The following PPFIA3 variants were observed in gnomAD, a reference collection of about 807,000 sequenced individuals.
PPFIA3 encodes liprin-alpha-3.
PPFIA3 carries 26 observed loss-of-function variants against 145.8 expected under a neutral mutation model. The observed-to-expected ratio is 0.18, with a 90% confidence interval of 0.13 to 0.25. The LOEUF is 0.25. Ranked by LOEUF, PPFIA3 falls within the 10% of genes least tolerant of loss-of-function variation. The pLI, the probability that PPFIA3 is intolerant of heterozygous loss-of-function variation, is 1.00. For synonymous variants in PPFIA3, 645 were observed against 661.4 expected (o/e 0.98, Z 0.38); for missense variants, 1,008 against 1,587.8 (o/e 0.63, Z 6.21).
chr19:49,127,790 G>T, intron 1 of PPFIA3, 69 bp from the exon 2 acceptor site: 1 of 1,546,710 alleles, frequency 6.5e-7, no homozygotes, highest in South Asian at 1.2e-5. Flanking sequence ...GTATCCGAGT[G>T]GCTGTGCCTC....
chr19:49,129,081 A>G, intron 4 of PPFIA3, 69 bp downstream of exon 4: 1 of 1,471,618 alleles, frequency 6.8e-7, no homozygotes, highest in Admixed American at 2.2e-5. Flanking sequence ...TCTGAGTGGG[A>G]GAGATTCTGG....
intron 15 of PPFIA3, 58 bp downstream of exon 15, chr19:49,136,969 T>A (rs993338701): frequency 1.4e-6 from 2 of 1,409,058 alleles, no homozygotes; most frequent in African/African-American, 2.9e-5. Context: ...TCCACAGCCC[T>A]TCTGGCTCTG....
chr19:49,140,780 C>G (rs1430350419), intron 18 of PPFIA3, among the ~76,000 whole-genome samples: 3 of 150,428 alleles, frequency 2.0e-5, no homozygotes, highest in Non-Finnish European at 4.4e-5. Context: ...TCAGCCTCCC[C>G]AGTAGCTGGG....
chr19:49,132,908 T>C, intron 7 of PPFIA3, 93 bp from the exon 8 acceptor site: 1 of 1,510,758 alleles, frequency 6.6e-7, no homozygotes. Context: ...CTGACTCCCA[T>C]GTCAGGGCAC....
intron 24 of PPFIA3, 57 bp from the exon 25 acceptor site, chr19:49,148,609 G>A: frequency 1.5e-6 from 2 of 1,362,194 alleles, no homozygotes; most frequent in Middle Eastern, 1.9e-4. Flanking sequence ...ACCCGTAGGA[G>A]CAGCAGTCTA....
chr19:49,142,099 TG>T lies in PPFIA3; in HGVS notation c.2530del (p.Val844CysfsTer79). 2 of 1,573,514 alleles carry T rather than the reference TG, an allele frequency of 1.3e-6. No individual in the cohort carries two copies. Among genetic ancestry groups the T allele is most frequent in the South Asian group, 1.2e-5 (1 of 85,548 alleles). ...LPFAAWDGPT[V>X]VSWLELWVGM... ...TTTGCTGCCTGGGACGGGCCCACCG[TG>T]GTGTCCTGGCTGGAGGTACTGGGGC... is the stretch of plus-strand genomic sequence containing the variant. On this transcript the variant is annotated frameshift_variant, in exon 20 of 30. Transcript: ENST00000334186. LOFTEE classifies it high-confidence loss of function.
intron 1 of PPFIA3, 111 bp from the exon 2 acceptor site, chr19:49,127,748 C>A: frequency 7.5e-7 from 1 of 1,325,222 alleles, no homozygotes; most frequent in Non-Finnish European, 1.0e-6. Flanking sequence ...CTGTGCAGTG[C>A]TTGGTTTGCC....
chr19:49,150,224 G>A lies in PPFIA3; in HGVS notation c.*14-12G>A, dbSNP rs554574246. 67 of 1,341,344 alleles carry A rather than the reference G, an allele frequency of 5.0e-5. No individual in the cohort carries two copies. In the African/African-American group the frequency reaches 9.1e-4, roughly 18 times the overall value. The allele number at this position is 1,341,344 out of a possible 1,614,324, so 83.1% of individuals were successfully genotyped here. A position where few individuals can be genotyped will look rare whatever the true frequency, so the allele number is the denominator to read the frequency against. Reference sequence around the variant, plus strand: ...ATCTTCACTGCTCCACGCGCTGCCCGGCGTCATGCAGGTGACCTCACTCGG... The same window carrying A: ...ATCTTCACTGCTCCACGCGCTGCCCAGCGTCATGCAGGTGACCTCACTCGG... On this transcript the variant is annotated splice_polypyrimidine_tract_variant and intron_variant, in intron 29 of 29. Coordinates refer to ENST00000334186, the MANE Select transcript of PPFIA3 (RefSeq NM_003660.4).
chr19:49,122,587 G>A (rs140682492), intron 1 of PPFIA3, among the ~76,000 whole-genome samples: 1 of 152,286 alleles, frequency 6.6e-6, no homozygotes, highest in Non-Finnish European at 1.5e-5. Flanking sequence ...TGTGTTCCAA[G>A]TATGTGCTCT....
chr19:49,148,604 T>A, intron 24 of PPFIA3, 62 bp from the exon 25 acceptor site: 1 of 1,326,704 alleles, frequency 7.5e-7, no homozygotes, highest in Non-Finnish European at 1.1e-6. Context: ...GAGGGACCCG[T>A]AGGAGCAGCA....
At chr19:49,146,047 T>C in intron 22 of PPFIA3, 42 bp downstream of exon 22, 1 of 1,609,990 alleles carries the variant, frequency 6.2e-7, no homozygotes, top group South Asian at 1.1e-5. Context: ...GGCACTAACC[T>C]TCTTTGGGGG....
In PPFIA3 at chr19:49,149,935, T is replaced by A. The variant is rs1238424314; in HGVS notation, c.3527-145T>A. 1.0e-5 allele frequency: 12 copies of A among 1,168,570 alleles called. No homozygotes were observed. The highest frequency in any genetic ancestry group is 3.1e-5 in the African/African-American group (2 of 65,360). 72.4% of individuals were successfully genotyped at this position (1,168,570 alleles called of 1,614,324 possible). A position where few individuals can be genotyped will look rare whatever the true frequency, so the allele number is the denominator to read the frequency against. On this transcript the variant is annotated intron_variant, in intron 28 of 29. Transcript: ENST00000334186. This position sits in a 1 kb window ranked among gnomAD's most constrained non-coding sequence, Gnocchi z 5.7. ...TGAACTCGCCCAATGCGAGTTTGAG[T>A]CCTTGGCTGCGGGGAAGGGAGGGAA...
At chr19:49,124,158 AT>A (rs1168658270) in intron 1 of PPFIA3, among the ~76,000 whole-genome samples, 6 of 152,190 alleles carry the variant, frequency 3.9e-5, no homozygotes, top group African/African-American at 1.4e-4. Context: ...TTTTTTAAAA[AT>A]GTAATTAAAT....
In PPFIA3 at chr19:49,133,982, C is replaced by T. The variant is rs2041106727; in HGVS notation, c.1246-52C>T. ...CGGGGGTGGGGCTTAGAGGAAGGGC[C>T]GTGGTCTGGGCAGGGTGGGCTTAAC... On this transcript the variant is annotated intron_variant, in intron 10 of 29. Transcript: ENST00000334186. The surrounding 1 kb of genome is among the most constrained non-coding windows in gnomAD (Gnocchi z 7.2). 1.9e-6 allele frequency: 3 copies of T among 1,604,354 alleles called. No individual in the cohort carries two copies. Among genetic ancestry groups the T allele is most frequent in the East Asian group, 2.2e-5 (1 of 44,780 alleles).
At chr19:49,123,041 A>T (rs2040956031) in intron 1 of PPFIA3, among the ~76,000 whole-genome samples, 1 of 106,926 alleles carries the variant, frequency 9.4e-6, no homozygotes, top group Non-Finnish European at 1.9e-5. Context: ...TTTTTATTTT[A>T]TTTTTGAGAC....
chr19:49,129,265 A>T, intron 4 of PPFIA3, 115 bp from the exon 5 acceptor site: 1 of 1,135,158 alleles, frequency 8.8e-7, no homozygotes, highest in East Asian at 2.6e-5. Context: ...CGTTATGGAG[A>T]CAGGAGCCCC....
At position 49,131,165 on chromosome 19, in the gene PPFIA3, CTTTTTTTTT is replaced by C. The variant is rs74182040; in HGVS notation, c.879+579_879+587del. 4.9e-5 allele frequency among the ~76,000 whole-genome samples: 5 copies of C among 102,086 alleles called. No homozygotes were observed. The East Asian group carries it at 1.7e-3, about 34-fold the overall frequency. The allele number at this position is 102,086 out of a possible 152,430, so 67.0% of individuals were successfully genotyped here. On this transcript the variant is annotated intron_variant, in intron 7 of 29. Transcript: ENST00000334186. ...AGTAGTGAGCCACCGCACCCAGCCT[CTTTTTTTTT>C]TTTTTTTTTTTTGAGATGGAGTCTA...
Position 49,128,010 on chromosome 19 carries a change from T to C in PPFIA3, c.137T>C (p.Leu46Pro). ...GAGCGCGAGCGCCTGCTGGAGACGCTGCGCGAGGCACAGGACGGGTTGGCT... is the reference window on the plus strand; with the variant it reads ...GAGCGCGAGCGCCTGCTGGAGACGCCGCGCGAGGCACAGGACGGGTTGGCT... ...LTERERLLET[L>P]REAQDGLATA... Residue 46 changes from leucine to proline, a missense_variant, in exon 2 of 30, where the codon CTG (leucine) becomes CCG (proline). Coordinates refer to ENST00000334186, the MANE Select transcript of PPFIA3 (RefSeq NM_003660.4). The surrounding 1 kb of genome is among the most constrained non-coding windows in gnomAD (Gnocchi z 4.1). 1 of 1,596,514 alleles carries C rather than the reference T, an allele frequency of 6.3e-7. No individual in the cohort carries two copies. Among genetic ancestry groups the C allele is most frequent in the Non-Finnish European group, 8.5e-7 (1 of 1,179,018 alleles).
intron 19 of PPFIA3, 142 bp downstream of exon 19, chr19:49,141,655 GT>G (rs2041225638): frequency 6.7e-6 from 4 of 594,390 alleles, no homozygotes; most frequent in Non-Finnish European, 1.1e-5. Context: ...GGTGGTGGTG[GT>G]GAACAGAAAT....
Sources: allele counts gnomAD v4.1 joint callset (sites outside exome capture counted in the v4.1 genomes callset), GRCh38; gene constraint gnomAD v4.1.1; non-coding constraint Gnocchi (gnomAD v3.1); transcripts MANE v1.5; gene names NCBI Gene and HGNC (gene_info 2026-07-23, HGNC 2026-07-21).